The following SULT1B1 variants were observed in gnomAD, a reference collection of about 807,000 sequenced individuals.
SULT1B1 encodes the protein sulfotransferase family 1B member 1, also known as sulfotransferase 1B1.
Under a neutral mutation model 34.6 loss-of-function variants are expected in SULT1B1, and 28 were observed. The observed-to-expected ratio is 0.81, with a 90% CI of 0.60 to 1.11. SULT1B1 has a LOEUF of 1.11. Ranked by LOEUF, SULT1B1 falls within the 50% of genes least tolerant of loss-of-function variation. SULT1B1 has a pLI of 0.00. For missense variants in SULT1B1, 374 were observed against 352.2 expected, an observed-to-expected ratio of 1.06 and a Z score of -0.50; for synonymous variants, 147 against 110.2, an observed-to-expected ratio of 1.33 and a Z score of -2.09.
chr4:69,726,719 A>T lies in SULT1B1; in HGVS notation c.*369T>A, dbSNP rs1717846658. 1 of 155,222 alleles carries T rather than the reference A, an allele frequency of 6.4e-6. No homozygotes were observed. Among genetic ancestry groups the T allele is most frequent in the South Asian group, 2.1e-4 (1 of 4,872 alleles). 9.6% of individuals were successfully genotyped at this position (155,222 alleles called of 1,614,324 possible). On this transcript the variant is annotated 3_prime_UTR_variant, in exon 8 of 8. Coordinates refer to ENST00000310613, the MANE Select transcript of SULT1B1 (RefSeq NM_014465.4). ...GGAAATATAGTCTCATTATGAAAAC[A>T]GCATTTCTTGGACCATGGTACTAGG... is the stretch of plus-strand genomic sequence containing the variant.
chr4:69,747,086 G>T lies in SULT1B1; in HGVS notation c.375+2635C>A, dbSNP rs72648447. Among the ~76,000 whole-genome samples, 689 of 152,286 alleles carry T rather than the reference G, an allele frequency of 4.5e-3. 6 individuals are homozygous for T. Among genetic ancestry groups the T allele is most frequent in the Non-Finnish European group, 6.3e-3 (430 of 68,014 alleles). On this transcript the variant is annotated intron_variant, in intron 4 of 7. Coordinates refer to ENST00000310613, the MANE Select transcript of SULT1B1 (RefSeq NM_014465.4). ...CCTGCTCTACCAGAGGTGCTGATGT[G>T]TTCCCAATCTACTGGCAACAACATT...
At position 69,754,734 on chromosome 4, in the gene SULT1B1, C is replaced by T. The variant is rs1385148417; in HGVS notation, c.213G>A (p.Lys71=). The change falls in exon 3 of 8, where the codon AAG becomes AAA. Residue 71 remains lysine (K), a synonymous_variant. Transcript: ENST00000310613. The part of the protein sequence containing the change: ...ILNDGDIEKC[K]RGFITEKVPM... ...GAACTTTTTCAGTAATAAAACCTCG[C>T]TTACATTTTTCAATATCTCCATCAT... is the stretch of plus-strand genomic sequence containing the variant. The T allele has an allele frequency of 1.9e-6, 3 of 1,613,264 alleles. No homozygotes were observed. The South Asian group carries it at 3.3e-5, about 18-fold the overall frequency.
intron 4 of SULT1B1, among the ~76,000 whole-genome samples, chr4:69,734,745 T>G (rs765597459): frequency 6.6e-6 from 1 of 151,486 alleles, no homozygotes; most frequent in Non-Finnish European, 1.5e-5. Flanking sequence ...AAGGTAAAGA[T>G]ATTAAAAGGC....
chr4:69,738,463 G>A (rs1273238703), intron 4 of SULT1B1, among the ~76,000 whole-genome samples: 4 of 152,076 alleles, frequency 2.6e-5, no homozygotes, highest in Non-Finnish European at 5.9e-5. Context: ...TCCAAGCAGG[G>A]GAAACACCAG....
At chr4:69,753,749 G>A (rs1169268499) in intron 3 of SULT1B1, among the ~76,000 whole-genome samples, 1 of 152,158 alleles carries the variant, frequency 6.6e-6, no homozygotes, top group African/African-American at 2.4e-5. Flanking sequence ...TGGCTTAAAG[G>A]TTTCTCTATA....
chr4:69,733,884 G>C (rs910040565), intron 5 of SULT1B1, among the ~76,000 whole-genome samples: 2 of 152,118 alleles, frequency 1.3e-5, no homozygotes, highest in African/African-American at 4.8e-5. Flanking sequence ...ATTGTGAGGA[G>C]AGACTGATAA....
intron 4 of SULT1B1, among the ~76,000 whole-genome samples, chr4:69,749,361 G>T (rs1718880993): frequency 6.6e-6 from 1 of 152,006 alleles, no homozygotes; most frequent in African/African-American, 2.4e-5. Context: ...TTCCCCAAAA[G>T]CAGATAAGCA....
chr4:69,740,490 A>C (rs1177352422), intron 4 of SULT1B1, among the ~76,000 whole-genome samples: 1 of 152,194 alleles, frequency 6.6e-6, no homozygotes, highest in Admixed American at 6.5e-5. Context: ...CCAATGATTC[A>C]ATTACCTCCA....
intron 4 of SULT1B1, among the ~76,000 whole-genome samples, chr4:69,746,095 C>G (rs907237543): frequency 5.3e-5 from 8 of 152,182 alleles, no homozygotes; most frequent in Non-Finnish European, 1.2e-4. Context: ...GGTGAGGTTT[C>G]CTTTGTACAT....
chr4:69,731,781 G>A (rs979257049), intron 6 of SULT1B1, among the ~76,000 whole-genome samples: 9 of 152,052 alleles, frequency 5.9e-5, no homozygotes, highest in African/African-American at 1.9e-4. Flanking sequence ...AAAGGTAACC[G>A]GTTAGACTAT....
intron 4 of SULT1B1, among the ~76,000 whole-genome samples, chr4:69,745,263 T>C (rs1411794690): frequency 6.6e-6 from 1 of 152,214 alleles, no homozygotes; most frequent in Non-Finnish European, 1.5e-5. Context: ...GTTTAAGTCC[T>C]GAGTGTCTTG....
intron 2 of SULT1B1, 118 bp downstream of exon 2, chr4:69,754,949 TAGA>T: frequency 8.1e-7 from 1 of 1,231,440 alleles, no homozygotes; most frequent in Non-Finnish European, 1.2e-6. Flanking sequence ...TATACTAAAA[TAGA>T]TGGCTGCACA....
In SULT1B1 at chr4:69,722,540, T is replaced by C. The variant is rs1163864280; in HGVS notation, c.*4548A>G. Reference sequence around the variant, plus strand: ...CCTTTAGATAGTCAAGATTAACTCCTATAAAATATGTTTCTGTGGAACATA... The same window carrying C: ...CCTTTAGATAGTCAAGATTAACTCCCATAAAATATGTTTCTGTGGAACATA... On this transcript the variant is annotated 3_prime_UTR_variant, in exon 8 of 8. Coordinates refer to ENST00000310613, the MANE Select transcript of SULT1B1 (RefSeq NM_014465.4). 3 of 152,290 alleles carry C rather than the reference T, an allele frequency of 2.0e-5. No homozygotes were observed. The highest frequency in any genetic ancestry group is 4.4e-5 in the Non-Finnish European group (3 of 68,018). The allele number at this position is 152,290 out of a possible 1,614,324, so 9.4% of individuals were successfully genotyped here. A position where few individuals can be genotyped will look rare whatever the true frequency, so the allele number is the denominator to read the frequency against.
At position 69,727,219 on chromosome 4, in the gene SULT1B1, A is replaced by G; in HGVS notation, c.779-19T>C. ...GCCGTCCCTAAAGGTAAATAAAAAA[A>G]CATAGGAAAGAATAAAATATTTCCA... On this transcript the variant is annotated intron_variant, in intron 7 of 7. Transcript: ENST00000310613. 1.3e-6 allele frequency: 2 copies of G among 1,583,358 alleles called. No homozygotes were observed. Among genetic ancestry groups the G allele is most frequent in the South Asian group, 2.3e-5 (2 of 87,544 alleles).
At position 69,726,652 on chromosome 4, in the gene SULT1B1, C is replaced by A. The variant is rs1344024771; in HGVS notation, c.*436G>T. 1 of 152,376 alleles carries A rather than the reference C, an allele frequency of 6.6e-6. No individual in the cohort carries two copies. Among genetic ancestry groups the A allele is most frequent in the African/African-American group, 2.4e-5 (1 of 41,410 alleles). 9.4% of individuals were successfully genotyped at this position (152,376 alleles called of 1,614,324 possible). Reference sequence around the variant, plus strand: ...GGTAGACAGCAGTGGAACACAGTGTCCTGGGTCAAATTTTCGGCAAAGGGA... The same window carrying A: ...GGTAGACAGCAGTGGAACACAGTGTACTGGGTCAAATTTTCGGCAAAGGGA... On this transcript the variant is annotated 3_prime_UTR_variant, in exon 8 of 8. Transcript: ENST00000310613.
rs1464569675 is a variant in SULT1B1 at position 69,726,055 on chromosome 4, TATATATATATATATATATATATATATAA to T, written c.*1005_*1032del. On this transcript the variant is annotated 3_prime_UTR_variant, in exon 8 of 8. Coordinates refer to ENST00000310613, the MANE Select transcript of SULT1B1 (RefSeq NM_014465.4). ...GTACATATATATATATATATATATA[TATATATATATATATATATATATATATAA>T]ATGTTCCAAGAAAACATAGATCAGA... The T allele has an allele frequency of 1.1e-5, 1 of 87,838 alleles. No homozygotes were observed. The highest frequency in any genetic ancestry group is 2.2e-5 in the Non-Finnish European group (1 of 45,674). 5.4% of individuals were successfully genotyped at this position (87,838 alleles called of 1,614,324 possible).
At chr4:69,759,340 C>T (rs146009312) in intron 1 of SULT1B1, among the ~76,000 whole-genome samples, 50 of 152,196 alleles carry the variant, frequency 3.3e-4, no homozygotes, top group Non-Finnish European at 6.0e-4. Flanking sequence ...CAAAAATGTC[C>T]GTGATTTATC....
chr4:69,748,515 G>C (rs373734682), intron 4 of SULT1B1, among the ~76,000 whole-genome samples: 1 of 152,126 alleles, frequency 6.6e-6, no homozygotes, highest in African/African-American at 2.4e-5. Flanking sequence ...AACATTATTG[G>C]TCAAGAGGAT....
At chr4:69,730,299 A>G (rs940601912) in intron 7 of SULT1B1, among the ~76,000 whole-genome samples, 1 of 152,154 alleles carries the variant, frequency 6.6e-6, no homozygotes, top group Admixed American at 6.5e-5. Context: ...AATATTTATC[A>G]TATATTCAAG....
Sources: allele counts gnomAD v4.1 joint callset (sites outside exome capture counted in the v4.1 genomes callset), GRCh38; gene constraint gnomAD v4.1.1; transcripts MANE v1.5; gene names NCBI Gene and HGNC (gene_info 2026-07-23, HGNC 2026-07-21).